The following VPS53 variants were observed in gnomAD, a reference collection of about 807,000 sequenced individuals.
The protein encoded by VPS53 is VPS53 subunit of GARP complex.
VPS53 carries 70 observed loss-of-function variants against 107.0 expected under a neutral mutation model. The observed-to-expected ratio is 0.65, with a 90% CI of 0.54 to 0.80. VPS53 has a LOEUF of 0.80. Among genes scored for constraint, VPS53 ranks in the 30% least tolerant of loss-of-function variants. The pLI is 0.00. For missense variants in VPS53, 917 were observed against 1,049.4 expected (o/e 0.87, Z 1.74); for synonymous variants, 409 against 393.3 (o/e 1.04, Z -0.47).
chr17:610,602 A>G lies in VPS53; in HGVS notation c.1117-8706T>C, dbSNP rs75996450. 8.5e-3 allele frequency among the ~76,000 whole-genome samples: 1,292 copies of G among 152,206 alleles called. 13 individuals are homozygous for G. The highest frequency in any genetic ancestry group is 0.017 in the Middle Eastern group (5 of 294). On this transcript the variant is annotated intron_variant, in intron 11 of 21. Coordinates refer to ENST00000437048, the MANE Select transcript of VPS53 (RefSeq NM_001128159.3). ...AAAACATTGGCAAATCATATGTCTG[A>G]TACATGATAAAATATCTAAAGAAGT...
At chr17:659,500 T>C (rs1971357627) in intron 5 of VPS53, among the ~76,000 whole-genome samples, 1 of 152,086 alleles carries the variant, frequency 6.6e-6, no homozygotes, top group Admixed American at 6.5e-5. Flanking sequence ...AGGCTGGTCT[T>C]GAACTCCTGG....
chr17:683,779 A>C (rs1225764968), intron 4 of VPS53, among the ~76,000 whole-genome samples: 2 of 152,252 alleles, frequency 1.3e-5, no homozygotes, highest in Non-Finnish European at 2.9e-5. Flanking sequence ...CAGGAAGATC[A>C]CTTGAGCCAA....
chr17:590,554 C>T (rs1250291363), intron 12 of VPS53, among the ~76,000 whole-genome samples: 4 of 152,048 alleles, frequency 2.6e-5, no homozygotes, highest in Non-Finnish European at 5.9e-5. Context: ...TACGTCCCAT[C>T]AATACCTAAT....
chr17:709,550 C>T (rs1392631841), intron 2 of VPS53, among the ~76,000 whole-genome samples: 8 of 152,200 alleles, frequency 5.3e-5, no homozygotes, highest in East Asian at 1.9e-4. Context: ...CTGTCACTGA[C>T]GGCATTCGCC....
intron 13 of VPS53, among the ~76,000 whole-genome samples, chr17:582,219 C>T (rs1967063430): frequency 1.4e-5 from 2 of 142,172 alleles, no homozygotes; most frequent in African/African-American, 5.0e-5. Flanking sequence ...TCACTCAGAA[C>T]CTAATGTGTT....
chr17:564,405 T>C (rs559661395), intron 13 of VPS53, among the ~76,000 whole-genome samples: 1 of 152,148 alleles, frequency 6.6e-6, no homozygotes, highest in East Asian at 1.9e-4. Flanking sequence ...CCGGGCATGA[T>C]GGCGGGTGCC....
intron 2 of VPS53, among the ~76,000 whole-genome samples, chr17:710,055 G>C (rs1320372297): frequency 6.6e-6 from 1 of 152,114 alleles, no homozygotes; most frequent in Non-Finnish European, 1.5e-5. Context: ...TGAGGCAGAA[G>C]AATCGCCTGA....
chr17:589,878 A>G (rs1407503713), intron 12 of VPS53, among the ~76,000 whole-genome samples: 2 of 152,000 alleles, frequency 1.3e-5, no homozygotes, highest in African/African-American at 4.8e-5. Context: ...TTGGTTCCAT[A>G]TGAACTTTAA....
chr17:624,290 A>T (rs1021802697), intron 10 of VPS53, among the ~76,000 whole-genome samples: 2 of 152,188 alleles, frequency 1.3e-5, no homozygotes, highest in Non-Finnish European at 2.9e-5. Flanking sequence ...TGAATTATAA[A>T]GCCCTCCCTC....
Position 667,304 on chromosome 17 carries a change from CT to C in VPS53, c.286-5410del, listed in dbSNP as rs35807091. Among the ~76,000 whole-genome samples the C allele has an allele frequency of 4.7e-5, 7 of 150,420 alleles. No individual in the cohort carries two copies. The East Asian group carries it at 7.8e-4, about 17-fold the overall frequency. Reference sequence around the variant, plus strand: ...GAAAGCTTGCTGACCCTGGTATAGACTTTTTTTTTCAAGAAGTTTTTGCTAT... The same window carrying C: ...GAAAGCTTGCTGACCCTGGTATAGACTTTTTTTTCAAGAAGTTTTTGCTAT... On this transcript the variant is annotated intron_variant, in intron 4 of 21. Coordinates refer to ENST00000437048, the MANE Select transcript of VPS53 (RefSeq NM_001128159.3).
At chr17:675,575 A>G (rs534277941) in intron 4 of VPS53, 3 of 152,214 alleles carry the variant, frequency 2.0e-5, no homozygotes, top group African/African-American at 7.2e-5. Flanking sequence ...GGTGTTCGAG[A>G]CCAGCCTGGC....
rs34123743 is a variant in VPS53, at chr17:656,700, A to ATGTGTGTGTGTGTGTG, written c.373-763_373-748dup. ...TTTCTTGGTCCATGCTGACTAAGAA[A>ATGTGTGTGTGTGTGTG]TGTGTGTGTGTGTGTGTGTGTGTGT... is the stretch of plus-strand genomic sequence containing the variant. On this transcript the variant is annotated intron_variant, in intron 5 of 21. Coordinates refer to ENST00000437048, the MANE Select transcript of VPS53 (RefSeq NM_001128159.3). 983 of 554,538 alleles carry ATGTGTGTGTGTGTGTG rather than the reference A, an allele frequency of 1.8e-3. 1 individual carries two copies. The highest frequency in any genetic ancestry group is 6.8e-3 in the African/African-American group (354 of 52,092). 34.4% of individuals were successfully genotyped at this position (554,538 alleles called of 1,614,324 possible).
Position 537,174 on chromosome 17 carries a change from C to T in VPS53, c.1869G>A (p.Met623Ile). 6.2e-7 allele frequency: 1 copy of T among 1,613,902 alleles called. No individual in the cohort carries two copies. Among genetic ancestry groups the T allele is most frequent in the South Asian group, 1.1e-5 (1 of 91,064 alleles). Reference sequence around the variant, plus strand: ...CAACGTGCTCCACGTTCTGCCACTGCATCTGAAAGGGAGAAAGGATGAGGC... The same window carrying T: ...CAACGTGCTCCACGTTCTGCCACTGTATCTGAAAGGGAGAAAGGATGAGGC... Reference protein sequence around the residue: ...CDPALTAMSKMQWQNVEHVGD... With the variant: ...CDPALTAMSKIQWQNVEHVGD... Residue 623 changes from methionine (M) to isoleucine (I), a missense_variant and splice_region_variant, in exon 18 of 22, where the codon ATG (methionine) becomes ATA (isoleucine). Coordinates refer to ENST00000437048, the MANE Select transcript of VPS53 (RefSeq NM_001128159.3).
intron 13 of VPS53, among the ~76,000 whole-genome samples, chr17:581,717 G>C (rs1306599791): frequency 6.7e-6 from 1 of 150,104 alleles, no homozygotes; most frequent in Non-Finnish European, 1.5e-5. Context: ...TGCGTTCCTA[G>C]AGAACTTTCC....
chr17:550,784 AAAAATAGG>A (rs1807613829), intron 17 of VPS53, among the ~76,000 whole-genome samples: 1 of 151,728 alleles, frequency 6.6e-6, no homozygotes, highest in Admixed American at 6.6e-5. Flanking sequence ...CATAAAAGTC[AAAAATAGG>A]AAGATGAGGT....
intron 4 of VPS53, among the ~76,000 whole-genome samples, chr17:693,524 C>T (rs1269625525): frequency 6.6e-6 from 1 of 152,044 alleles, no homozygotes; most frequent in African/African-American, 2.4e-5. Context: ...GAGTTCAAGA[C>T]CAGCCCGGGC....
At chr17:699,562 C>G (rs1973118601) in intron 2 of VPS53, among the ~76,000 whole-genome samples, 182 bp from the exon 3 acceptor site, 1 of 151,328 alleles carries the variant, frequency 6.6e-6, no homozygotes, top group Admixed American at 6.6e-5. Flanking sequence ...CCACATCTAG[C>G]CCAGCCCCTG....
chr17:695,028 T>G (rs1032502772), intron 4 of VPS53, among the ~76,000 whole-genome samples: 1 of 152,190 alleles, frequency 6.6e-6, no homozygotes, highest in Non-Finnish European at 1.5e-5. Flanking sequence ...TGTTATTGCA[T>G]GTGGCCTATG....
intron 11 of VPS53, among the ~76,000 whole-genome samples, chr17:622,883 T>G (rs965049399): frequency 2.0e-5 from 3 of 151,006 alleles, no homozygotes; most frequent in African/African-American, 4.9e-5. Context: ...AGGGATGAGG[T>G]CTCACTATGT....
Sources: gnomAD v4.1 joint callset for allele counts (sites outside exome capture counted in the v4.1 genomes callset) on GRCh38, gnomAD v4.1.1 for gene constraint, MANE v1.5 for transcripts, NCBI Gene and HGNC (gene_info 2026-07-23, HGNC 2026-07-21) for gene names.